CASD1: variants seen among roughly 807,000 people sequenced by gnomAD.
The protein encoded by CASD1 is CAS1 domain sialic acid O acetyltransferase 1.
CASD1 carries 41 observed loss-of-function variants against 100.0 expected under a neutral mutation model. The ratio of observed to expected loss-of-function variants is 0.41; its 90% CI spans 0.32 to 0.53. CASD1 has a LOEUF of 0.53. Ranked by LOEUF, CASD1 falls within the 20% of genes least tolerant of loss-of-function variation. The probability of loss-of-function intolerance (pLI) is 0.25; values close to 1 mark genes in which losing one functional copy is unlikely to be tolerated. For missense variants in CASD1, 774 were observed against 948.7 expected (o/e 0.82, Z 2.42); for synonymous variants, 321 against 315.6 (o/e 1.02, Z -0.18).
chr7:94,590,969 C>T, the CASD1 span: 1 of 151,976 alleles, frequency 6.6e-6, no homozygotes, highest in Non-Finnish European at 1.5e-5. Flanking sequence ...TTCAGTTCCA[C>T]TTTAAAGATA....
the CASD1 span, chr7:94,625,072 T>A: frequency 6.6e-6 from 1 of 152,024 alleles, no homozygotes; most frequent in Non-Finnish European, 1.5e-5. Context: ...GTGAAGACCG[T>A]CAAAGCAGAA....
chr7:94,633,386 T>C, the CASD1 span, among the ~76,000 whole-genome samples: 1 of 152,104 alleles, frequency 6.6e-6, no homozygotes, highest in Non-Finnish European at 1.5e-5. Flanking sequence ...AAGTAATAAT[T>C]ACATATCTGA....
At chr7:94,627,077 C>T in the CASD1 span, 3 of 151,872 alleles carry the variant, frequency 2.0e-5, no homozygotes, top group Non-Finnish European at 4.4e-5. Context: ...CTTCTAAGTA[C>T]CTGTCTATCT....
At chr7:94,586,968 C>G in the CASD1 span, 6 of 983,822 alleles carry the variant, frequency 6.1e-6, no homozygotes, top group Non-Finnish European at 7.2e-6. Context: ...GTACTTTAGT[C>G]TATAATATGA....
At chr7:94,541,683 G>GTA (rs950471603) in intron 10 of CASD1, among the ~76,000 whole-genome samples, 1 of 150,988 alleles carries the variant, frequency 6.6e-6, no homozygotes, top group Non-Finnish European at 1.5e-5. Flanking sequence ...TAACTCTAAT[G>GTA]TAAAGTTGAA....
At chr7:94,632,172 G>A in the CASD1 span, among the ~76,000 whole-genome samples, 1 of 151,928 alleles carries the variant, frequency 6.6e-6, no homozygotes. Context: ...GCTGCTATAA[G>A]GTGGTAAAAG....
At chr7:94,537,956 A>G (rs1795199623) in intron 9 of CASD1, 62 bp downstream of exon 9, 8 of 908,914 alleles carry the variant, frequency 8.8e-6, no homozygotes, top group Non-Finnish European at 1.4e-5. Flanking sequence ...ACTCTGTGTT[A>G]AAGAACTAAT....
Position 94,555,488 on chromosome 7 carries a change from C to T in CASD1, c.2128-4C>T, listed in dbSNP as rs1321215419. On this transcript the variant is annotated splice_region_variant and splice_polypyrimidine_tract_variant and intron_variant, in intron 17 of 17. Transcript: ENST00000297273. Reference sequence around the variant, plus strand: ...ATATCTGACTTAAATATTTTTTCTCCTAGCTATTTATTTGCCAGTATCACA... The same window carrying T: ...ATATCTGACTTAAATATTTTTTCTCTTAGCTATTTATTTGCCAGTATCACA... 6.2e-7 allele frequency: 1 copy of T among 1,608,228 alleles called. No individual in the cohort carries two copies. The highest frequency in any genetic ancestry group is 1.1e-5 in the South Asian group (1 of 90,372).
At chr7:94,564,330 C>T in the CASD1 span, among the ~76,000 whole-genome samples, 33 of 152,310 alleles carry the variant, frequency 2.2e-4, no homozygotes, top group Middle Eastern at 6.8e-3. Flanking sequence ...CAGGGCCAGA[C>T]TAATGAATTA....
rs377364571 is a variant in CASD1, at chr7:94,535,303, G to A, written c.629-6G>A. Reference sequence around the variant, plus strand: ...ATGTGTTTTTAAAAATGTGTCTCACGTGCAGATCCTGTTTATGAAGATCTA... The same window carrying A: ...ATGTGTTTTTAAAAATGTGTCTCACATGCAGATCCTGTTTATGAAGATCTA... On this transcript the variant is annotated splice_polypyrimidine_tract_variant and splice_region_variant and intron_variant, in intron 7 of 17. Coordinates refer to ENST00000297273, the MANE Select transcript of CASD1 (RefSeq NM_022900.5). The A allele has an allele frequency of 2.1e-5, 33 of 1,601,446 alleles. No individual in the cohort carries two copies. The highest frequency in any genetic ancestry group is 4.4e-5 in the South Asian group (4 of 90,494).
the CASD1 span, among the ~76,000 whole-genome samples, chr7:94,595,563 G>A: frequency 6.6e-6 from 1 of 152,070 alleles, no homozygotes; most frequent in African/African-American, 2.4e-5. Context: ...GCATATACCT[G>A]GTTATTGAGT....
chr7:94,623,481 T>A, the CASD1 span: 1 of 870,108 alleles, frequency 1.1e-6, no homozygotes, highest in Admixed American at 2.1e-5. Context: ...GAAAACAAAT[T>A]GTCATTCTTT....
the CASD1 span, among the ~76,000 whole-genome samples, chr7:94,591,712 G>A: frequency 2.6e-5 from 4 of 152,172 alleles, no homozygotes; most frequent in East Asian, 1.9e-4. Context: ...ATGCCCTGTC[G>A]TTTCTTTTCT....
rs373248844 is a variant in CASD1 at position 94,529,957 on chromosome 7, G to A, written c.459+1707G>A. ...GCATAAAAGCAAATTTGAATTGAGA[G>A]GACTCTAAGTAGATTGTTATTCCAC... On this transcript the variant is annotated intron_variant, in intron 5 of 17. Coordinates refer to ENST00000297273, the MANE Select transcript of CASD1 (RefSeq NM_022900.5). 5.5e-4 allele frequency among the ~76,000 whole-genome samples: 83 copies of A among 152,174 alleles called. No individual in the cohort carries two copies. The Middle Eastern group carries it at 0.01, about 19-fold the overall frequency.
chr7:94,607,095 GA>G, the CASD1 span, among the ~76,000 whole-genome samples: 17 of 146,670 alleles, frequency 1.2e-4, no homozygotes, highest in East Asian at 4.0e-4. Context: ...GTAAGCAGAA[GA>G]AAAAAAAAAT....
At chr7:94,541,355 A>G (rs1283567539) in intron 10 of CASD1, among the ~76,000 whole-genome samples, 2 of 151,884 alleles carry the variant, frequency 1.3e-5, no homozygotes, top group African/African-American at 2.4e-5. Flanking sequence ...TTATGCTAAA[A>G]GATAACTGTA....
At chr7:94,623,874 T>C in the CASD1 span, 205 of 356,484 alleles carry the variant, frequency 5.8e-4, no homozygotes, top group African/African-American at 3.9e-3. Flanking sequence ...AAAAATGTCA[T>C]AAATAACCCT....
chr7:94,516,737 CAA>C (rs1488370440), intron 1 of CASD1, among the ~76,000 whole-genome samples: 1 of 151,868 alleles, frequency 6.6e-6, no homozygotes, highest in Non-Finnish European at 1.5e-5. Context: ...GTAAAATATC[CAA>C]AAGTGTAGAG....
At position 94,529,025 on chromosome 7, in the gene CASD1, G is replaced by A. The variant is rs192095629; in HGVS notation, c.459+775G>A. On this transcript the variant is annotated intron_variant, in intron 5 of 17. Transcript: ENST00000297273. ...AATAAATAGGCTTTTGTAGGATCCT[G>A]TGGGAACCTAGCCACCATTTCTAAC... Among the ~76,000 whole-genome samples, 458 of 152,014 alleles carry A rather than the reference G, an allele frequency of 3.0e-3. 3 individuals are homozygous for A. The highest frequency in any genetic ancestry group is 0.01 in the African/African-American group (427 of 41,468).
Sources: allele counts gnomAD v4.1 joint callset (sites outside exome capture counted in the v4.1 genomes callset), GRCh38; gene constraint gnomAD v4.1.1; transcripts MANE v1.5; gene names NCBI Gene and HGNC (gene_info 2026-07-23, HGNC 2026-07-21).